ENO4: variants seen among roughly 807,000 people sequenced by gnomAD.
ENO4 encodes enolase 4.
ENO4 carries 53 observed loss-of-function variants against 63.2 expected under a neutral mutation model. The observed-to-expected ratio is 0.84, with a 90% CI of 0.67 to 1.05. The LOEUF is 1.05. Ranked by LOEUF, ENO4 falls within the 50% of genes least tolerant of loss-of-function variation. The pLI is 0.00. For missense variants in ENO4, 719 were observed against 772.0 expected (o/e 0.93, Z 0.81); for synonymous variants, 266 against 283.8 (o/e 0.94, Z 0.63).
downstream of ENO4, chr10:116,886,142 C>A: frequency 4.2e-6 from 3 of 709,064 alleles, no homozygotes; most frequent in South Asian, 2.5e-5. Flanking sequence ...ATCAAAAAAC[C>A]AAAACCTACT....
At chr10:116,898,149 G>C (rs1223253311) in intron 10 of ENO4, among the ~76,000 whole-genome samples, 1 of 152,028 alleles carries the variant, frequency 6.6e-6, no homozygotes, top group Admixed American at 6.6e-5. Context: ...CCAACATAGT[G>C]AAACCGCGTC....
intron 1 of ENO4, among the ~76,000 whole-genome samples, chr10:116,852,588 G>T (rs572100268): frequency 6.8e-4 from 103 of 152,236 alleles, no homozygotes; most frequent in Admixed American, 1.4e-3. Flanking sequence ...TGATCAATAG[G>T]ACCTTGACAA....
At chr10:116,868,297 A>G (rs1846597327) in intron 7 of ENO4, among the ~76,000 whole-genome samples, 4 of 152,250 alleles carry the variant, frequency 2.6e-5, no homozygotes, top group Admixed American at 2.6e-4. Flanking sequence ...CCTCCTGCAG[A>G]AAAAGGGTGC....
chr10:116,861,875 T>G (rs1426063994), intron 6 of ENO4, among the ~76,000 whole-genome samples: 1 of 152,194 alleles, frequency 6.6e-6, no homozygotes, highest in African/African-American at 2.4e-5. Flanking sequence ...AAGAATTCTT[T>G]CTTAAAATAG....
At chr10:116,903,063 T>C (rs758756485) in intron 10 of ENO4, among the ~76,000 whole-genome samples, 2 of 152,164 alleles carry the variant, frequency 1.3e-5, no homozygotes, top group African/African-American at 2.4e-5. Flanking sequence ...GACTAAAAAA[T>C]TGTGAACCCA....
In ENO4 at chr10:116,849,686, C is replaced by G. The variant is rs1398921352; in HGVS notation, c.120C>G (p.Leu40=). 2 of 1,548,264 alleles carry G rather than the reference C, an allele frequency of 1.3e-6. No individual in the cohort carries two copies. The highest frequency in any genetic ancestry group is 2.5e-5 in the East Asian group (1 of 40,812). ...TTCCGCGCAGGCTGGAAGAGCTGCT[C>G]AACTCCACCTTCTACCTCCAGCCTG... ...NDVPRRLEEL[L]NSTFYLQPAD... The change falls in exon 1 of 14, where the codon CTC becomes CTG. Residue 40 remains leucine (L), a synonymous_variant. Coordinates refer to ENST00000341276, the MANE Select transcript of ENO4 (RefSeq NM_001242699.2).
chr10:116,857,742 G>A (rs1846306353), intron 3 of ENO4, among the ~76,000 whole-genome samples: 1 of 151,498 alleles, frequency 6.6e-6, no homozygotes. Context: ...AGGTTCAAGC[G>A]ATTCTCCTGC....
chr10:116,886,147 C>A, downstream of ENO4: 1 of 726,838 alleles, frequency 1.4e-6, no homozygotes. Flanking sequence ...AAAACCAAAA[C>A]CTACTAGGAA....
intron 8 of ENO4, among the ~76,000 whole-genome samples, chr10:116,869,133 G>C (rs767206392): frequency 1.3e-5 from 2 of 152,204 alleles, no homozygotes; most frequent in Non-Finnish European, 2.9e-5. Flanking sequence ...AGGCACTGAA[G>C]CATCATTTCT....
chr10:116,878,588 ACT>A (rs1362805901), intron 11 of ENO4, among the ~76,000 whole-genome samples: 2 of 152,140 alleles, frequency 1.3e-5, no homozygotes, highest in African/African-American at 4.8e-5. Flanking sequence ...ACCATATTTC[ACT>A]GACTCAAAGA....
intron 7 of ENO4, among the ~76,000 whole-genome samples, chr10:116,864,745 C>T (rs949354351): frequency 6.6e-6 from 1 of 151,962 alleles, no homozygotes; most frequent in African/African-American, 2.4e-5. Flanking sequence ...ATAGGTCAGG[C>T]GCAGTGGCTC....
At chr10:116,862,940 T>C in intron 7 of ENO4, 88 bp downstream of exon 7, 2 of 920,214 alleles carry the variant, frequency 2.2e-6, no homozygotes, top group Admixed American at 2.1e-5. Context: ...CTTAAATCAA[T>C]TGTGGTTGAT....
chr10:116,872,655 A>C (rs1253372456), intron 9 of ENO4, among the ~76,000 whole-genome samples: 4 of 152,220 alleles, frequency 2.6e-5, no homozygotes, highest in African/African-American at 9.6e-5. Flanking sequence ...CTTTATTAGC[A>C]GCATGAGAAC....
At chr10:116,883,493 C>T (rs1047123244), downstream of ENO4, 10 of 152,188 alleles carry the variant, frequency 6.6e-5, no homozygotes, top group African/African-American at 2.4e-4. Context: ...TTCTCGACAA[C>T]TTACTGGTAT....
downstream of ENO4, chr10:116,882,891 G>A (rs1249271416): frequency 6.6e-6 from 1 of 151,858 alleles, no homozygotes; most frequent in Non-Finnish European, 1.5e-5. Flanking sequence ...AACAAGCAAC[G>A]GGTAGGAGAA....
In ENO4 at chr10:116,849,603, A is replaced by T. The variant is rs1460279615; in HGVS notation, c.37A>T (p.Thr13Ser). Reference protein sequence around the residue: ...EEGGGRSCGTTRELQKLKQQA... With the variant: ...EEGGGRSCGTSRELQKLKQQA... ...AGGCGGCGGCCGCAGCTGTGGGACC[A>T]CTAGGGAGCTGCAGAAGCTGAAGCA... The change falls in exon 1 of 14, where the codon ACT (threonine) becomes TCT (serine). Residue 13 changes from threonine (T) to serine (S), a missense_variant. Thr to Ser is a moderately conservative substitution (Grantham distance 58, BLOSUM62 1). Transcript: ENST00000341276. The T allele has an allele frequency of 5.8e-6, 9 of 1,549,494 alleles. No homozygotes were observed. The highest frequency in any genetic ancestry group is 7.8e-6 in the Non-Finnish European group (9 of 1,146,554).
At chr10:116,850,522 A>G (rs1846047736) in intron 1 of ENO4, among the ~76,000 whole-genome samples, 2 of 152,058 alleles carry the variant, frequency 1.3e-5, no homozygotes, top group Non-Finnish European at 2.9e-5. Context: ...TAAGGAAGGC[A>G]GTGTGGCTGG....
chr10:116,905,185 G>A (rs1262019855), intron 10 of ENO4, among the ~76,000 whole-genome samples: 2 of 149,270 alleles, frequency 1.3e-5, no homozygotes, highest in Non-Finnish European at 3.0e-5. Context: ...GTCCAGCCTG[G>A]GCGACAGAGC....
At chr10:116,864,138 C>T (rs1001413423) in intron 7 of ENO4, among the ~76,000 whole-genome samples, 2 of 152,150 alleles carry the variant, frequency 1.3e-5, no homozygotes, top group African/African-American at 4.8e-5. Context: ...GTGAAGGAAA[C>T]CCACCTGAGC....
Sources: gnomAD v4.1 joint callset for allele counts (sites outside exome capture counted in the v4.1 genomes callset) on GRCh38, gnomAD v4.1.1 for gene constraint, MANE v1.5 for transcripts, NCBI Gene and HGNC (gene_info 2026-07-23, HGNC 2026-07-21) for gene names.